The following NDST3 variants were observed in gnomAD, a reference collection of about 807,000 sequenced individuals.
NDST3 encodes the protein bifunctional heparan sulfate N-deacetylase/N-sulfotransferase 3.
A neutral mutation model predicts 96.1 loss-of-function variants in NDST3; 58 were observed. The ratio of observed to expected loss-of-function variants is 0.60; its 90% CI spans 0.49 to 0.75. The LOEUF (loss-of-function observed/expected upper bound fraction) is 0.75. Ranked by LOEUF, NDST3 falls within the 30% of genes least tolerant of loss-of-function variation. The pLI is 0.00. For synonymous variants in NDST3, 333 were observed against 359.7 expected (o/e 0.93, Z 0.84); for missense variants, 788 against 1,034.2 (o/e 0.76, Z 3.27).
chr4:118,167,696 A>T (rs1735650911), intron 6 of NDST3, among the ~76,000 whole-genome samples: 1 of 151,976 alleles, frequency 6.6e-6, no homozygotes. Context: ...CAGTATGGTG[A>T]TGTTACAAAG....
intron 7 of NDST3, 57 bp from the exon 8 acceptor site, chr4:118,226,829 C>A (rs974017147): frequency 1.7e-6 from 2 of 1,194,068 alleles, no homozygotes; most frequent in Non-Finnish European, 2.4e-6. Context: ...GAAAAGCTGG[C>A]ACACAATGGA....
intron 6 of NDST3, among the ~76,000 whole-genome samples, chr4:118,197,438 T>C (rs1737770076): frequency 3.9e-5 from 6 of 152,132 alleles, no homozygotes; most frequent in Admixed American, 3.9e-4. Context: ...TATATTGGGG[T>C]CTACTTCTCT....
intron 5 of NDST3, among the ~76,000 whole-genome samples, chr4:118,140,092 T>C (rs1219648360): frequency 1.3e-5 from 2 of 152,184 alleles, no homozygotes; most frequent in Admixed American, 6.5e-5. Flanking sequence ...ACTGTCTACC[T>C]TTCTATTTCC....
rs35591587 is a variant in NDST3 at position 118,082,378 on chromosome 4, T to A, written c.982-22640T>A. On this transcript the variant is annotated intron_variant, in intron 2 of 13. Transcript: ENST00000296499. ...ATCAAAGAGAAAAGGACTTTATTAC[T>A]CACAGCATTAGCGTTAGCCAGAGTA... is the stretch of plus-strand genomic sequence containing the variant. 1.4e-3 allele frequency among the ~76,000 whole-genome samples: 207 copies of A among 152,150 alleles called. 9 individuals carry two copies. In the East Asian group the frequency reaches 0.03, roughly 22 times the overall value.
At chr4:118,240,289 G>A (rs1430692764) in intron 10 of NDST3, among the ~76,000 whole-genome samples, 3 of 152,134 alleles carry the variant, frequency 2.0e-5, no homozygotes, top group East Asian at 1.9e-4. Context: ...GAATCCTATC[G>A]ATAGGAATTC....
intron 2 of NDST3, among the ~76,000 whole-genome samples, chr4:118,067,846 A>T (rs1220035945): frequency 6.6e-6 from 1 of 152,048 alleles, no homozygotes; most frequent in African/African-American, 2.4e-5. Context: ...AGGTGCAGCA[A>T]ACCACCACGG....
At chr4:118,093,948 G>A (rs1486471321) in intron 2 of NDST3, among the ~76,000 whole-genome samples, 1 of 151,788 alleles carries the variant, frequency 6.6e-6, no homozygotes, top group Non-Finnish European at 1.5e-5. Context: ...GCATCCTCCA[G>A]AGGGGACAAA....
chr4:118,201,662 C>T (rs1204722523), intron 6 of NDST3, among the ~76,000 whole-genome samples: 1 of 152,028 alleles, frequency 6.6e-6, no homozygotes, highest in Non-Finnish European at 1.5e-5. Flanking sequence ...TTTGTTCAAG[C>T]TCCCTATAGA....
rs140725396 is a variant in NDST3 at position 118,240,449 on chromosome 4, T to G, written c.2119-75T>G. On this transcript the variant is annotated intron_variant, in intron 10 of 13. Transcript: ENST00000296499. ...GCACTTCTTTCTTTAGCTTTGAGAC[T>G]TGTCACAAAGATTGATTTTTAATTA... 428 of 1,260,834 alleles carry G rather than the reference T, an allele frequency of 3.4e-4. 1 individual carries two copies. In the East Asian group the frequency reaches 8.8e-3, roughly 26 times the overall value. The allele number at this position is 1,260,834 out of a possible 1,614,324, so 78.1% of individuals were successfully genotyped here.
At chr4:118,105,785 T>C (rs1402683854) in intron 3 of NDST3, among the ~76,000 whole-genome samples, 1 of 152,226 alleles carries the variant, frequency 6.6e-6, no homozygotes, top group Non-Finnish European at 1.5e-5. Context: ...AACATTTTTA[T>C]ACCTGTCCTT....
At chr4:118,196,046 T>C (rs1418460280) in intron 6 of NDST3, among the ~76,000 whole-genome samples, 3 of 152,200 alleles carry the variant, frequency 2.0e-5, no homozygotes, top group African/African-American at 7.2e-5. Context: ...TTTGAGGGTT[T>C]TTCATGAAGG....
At chr4:118,246,696 G>T (rs1020588492) in intron 12 of NDST3, among the ~76,000 whole-genome samples, 1 of 152,164 alleles carries the variant, frequency 6.6e-6, no homozygotes, top group Non-Finnish European at 1.5e-5. Context: ...TTACAGTTAT[G>T]GCAGAAACCA....
At position 118,257,534 on chromosome 4, in the gene NDST3, T is replaced by C. The variant is rs1253956258; in HGVS notation, c.*1822T>C. The stretch of plus-strand genomic sequence containing the variant: ...AGCCTTTATAAAATATTATCAAAGG[T>C]ATGATTAGAAACAAATGGGAGGAAA... On this transcript the variant is annotated 3_prime_UTR_variant, in exon 14 of 14. Transcript: ENST00000296499. 6.6e-6 allele frequency: 1 copy of C among 152,126 alleles called. No homozygotes were observed. Among genetic ancestry groups the C allele is most frequent in the Admixed American group, 6.6e-5 (1 of 15,266 alleles). 9.4% of individuals were successfully genotyped at this position (152,126 alleles called of 1,614,324 possible).
rs148249668 is a variant in NDST3 at position 118,051,628 on chromosome 4, G to C, written c.-155-2128G>C. ...AGATGTTTCTTCAAAGAAGCAATCA[G>C]GCAAGAGAAAGAAATAAGGCATCTA... is the stretch of plus-strand genomic sequence containing the variant. On this transcript the variant is annotated intron_variant, in intron 1 of 13. Coordinates refer to ENST00000296499, the MANE Select transcript of NDST3 (RefSeq NM_004784.3). 4.2e-4 allele frequency among the ~76,000 whole-genome samples: 64 copies of C among 151,924 alleles called. No individual in the cohort carries two copies. In the East Asian group the frequency reaches 0.011, roughly 27 times the overall value.
chr4:118,042,095 A>G (rs1724504690), intron 1 of NDST3, among the ~76,000 whole-genome samples: 2 of 152,150 alleles, frequency 1.3e-5, no homozygotes, highest in South Asian at 4.1e-4. Flanking sequence ...TCTACATCCA[A>G]CTATGTTATA....
At chr4:118,061,964 G>A (rs1411272160) in intron 2 of NDST3, among the ~76,000 whole-genome samples, 2 of 152,086 alleles carry the variant, frequency 1.3e-5, no homozygotes, top group African/African-American at 4.8e-5. Flanking sequence ...CAGAAGTGAG[G>A]ACAGAAACAG....
In NDST3 at chr4:118,054,985, C is replaced by T. The variant is rs772460192; in HGVS notation, c.981+94C>T. ...TGTACTACAACTGGGTTACCCAGGA[C>T]ATGGGATTTACTGGGAAAGTCTGGG... On this transcript the variant is annotated intron_variant, in intron 2 of 13. Coordinates refer to ENST00000296499, the MANE Select transcript of NDST3 (RefSeq NM_004784.3). 4 of 1,507,734 alleles carry T rather than the reference C, an allele frequency of 2.7e-6. No homozygotes were observed. In the Admixed American group the frequency reaches 5.0e-5, roughly 19 times the overall value. The allele number at this position is 1,507,734 out of a possible 1,614,324, so 93.4% of individuals were successfully genotyped here.
chr4:118,224,371 G>T, intron 6 of NDST3, 120 bp from the exon 7 acceptor site: 2 of 740,140 alleles, frequency 2.7e-6, no homozygotes, highest in Non-Finnish European at 4.1e-6. Flanking sequence ...CCAAAAACAC[G>T]CCATCAACTG....
rs139770111 is a variant in NDST3, at chr4:118,123,110, A to G, written c.1224+8150A>G. Among the ~76,000 whole-genome samples the G allele has an allele frequency of 1.8e-4, 28 of 152,284 alleles. No individual in the cohort carries two copies. The East Asian group carries it at 2.5e-3, about 14-fold the overall frequency. ...TCAGAATACAATCTGACTTTTTACA[A>G]TGTTTTTCTCCTAAAGAGCTGTCTA... On this transcript the variant is annotated intron_variant, in intron 4 of 13. Coordinates refer to ENST00000296499, the MANE Select transcript of NDST3 (RefSeq NM_004784.3).
Sources: allele counts gnomAD v4.1 joint callset (sites outside exome capture counted in the v4.1 genomes callset), GRCh38; gene constraint gnomAD v4.1.1; transcripts MANE v1.5; gene names NCBI Gene and HGNC (gene_info 2026-07-23, HGNC 2026-07-21).